The following SRBD1 variants were observed in gnomAD, a reference collection of about 807,000 sequenced individuals.
The protein encoded by SRBD1 is S1 RNA binding domain 1, also known as S1 RNA-binding domain-containing protein 1.
In SRBD1, 88 loss-of-function variants were observed where a neutral mutation model predicts 115.3. The observed-to-expected ratio is 0.76, with a 90% confidence interval of 0.64 to 0.91. The LOEUF (loss-of-function observed/expected upper bound fraction) is 0.91. Among genes scored for constraint, SRBD1 ranks in the 40% least tolerant of loss-of-function variants. The probability of loss-of-function intolerance (pLI) is 0.00; values close to 1 mark genes in which losing one functional copy is unlikely to be tolerated. For synonymous variants in SRBD1, 509 were observed against 407.7 expected, an observed-to-expected ratio of 1.25 and a Z score of -2.99; for missense variants, 1,385 against 1,177.4, an observed-to-expected ratio of 1.18 and a Z score of -2.58.
chr2:45,509,018 CATGCTAGT>C (rs1670881307), intron 14 of SRBD1, among the ~76,000 whole-genome samples: 1 of 152,052 alleles, frequency 6.6e-6, no homozygotes, highest in Non-Finnish European at 1.5e-5. Flanking sequence ...AAAGAGAATA[CATGCTAGT>C]ACACAAATTG....
rs761237069 is a variant in SRBD1, at chr2:45,584,397, T to C, written c.815+1211A>G. 3.9e-5 allele frequency among the ~76,000 whole-genome samples: 6 copies of C among 152,222 alleles called. No individual in the cohort carries two copies. In the East Asian group the frequency reaches 7.7e-4, roughly 20 times the overall value. The stretch of plus-strand genomic sequence containing the variant: ...TGATTTAGTCATTTATATTTTTACA[T>C]TGGCAAATTGATTCTGCCTCTCAAT... On this transcript the variant is annotated intron_variant, in intron 5 of 20. Coordinates refer to ENST00000263736, the MANE Select transcript of SRBD1 (RefSeq NM_018079.5).
At chr2:45,553,769 A>G (rs769652678) in intron 10 of SRBD1, 39 bp from the exon 11 acceptor site, 3 of 1,381,872 alleles carry the variant, frequency 2.2e-6, no homozygotes, top group Non-Finnish European at 2.9e-6. Context: ...CTGATGCAAC[A>G]ATAAATAAGG....
chr2:45,406,839 T>C (rs926816458), intron 19 of SRBD1, among the ~76,000 whole-genome samples: 1 of 152,166 alleles, frequency 6.6e-6, no homozygotes, highest in Admixed American at 6.5e-5. Flanking sequence ...CACGTGATGA[T>C]AGAGTAACAC....
chr2:45,423,583 C>T (rs1329146989), intron 16 of SRBD1, among the ~76,000 whole-genome samples: 3 of 152,166 alleles, frequency 2.0e-5, no homozygotes, highest in South Asian at 4.1e-4. Context: ...AAAAAAAGTT[C>T]AGAACCATAC....
Position 45,562,730 on chromosome 2 carries a change from AT to A in SRBD1, c.1331del (p.Asn444IlefsTer2). On this transcript the variant is annotated frameshift_variant, in exon 10 of 21. Transcript: ENST00000263736. LOFTEE classifies it high-confidence loss of function. ...TGACCTTAACCGTCAGTACCTTCAA[AT>A]TTTCTCCACGGTTAATTGCCAGAAT... ...HQILAINRGE[N>X]LKVLTVKVNI... The A allele has an allele frequency of 6.2e-7, 1 of 1,609,796 alleles. No individual in the cohort carries two copies. Among genetic ancestry groups the A allele is most frequent in the Non-Finnish European group, 8.5e-7 (1 of 1,178,890 alleles).
In SRBD1 at chr2:45,601,854, C is replaced by G. The variant is rs773588990; in HGVS notation, c.261+49G>C. ...CTGTAGAATAAGAAAATAACATCAC[C>G]AATCAGGAAGACACTACAGAGTTCC... On this transcript the variant is annotated intron_variant, in intron 3 of 20. Transcript: ENST00000263736. The G allele has an allele frequency of 6.9e-6, 11 of 1,586,902 alleles. No individual in the cohort carries two copies. The South Asian group carries it at 1.3e-4, about 18-fold the overall frequency.
chr2:45,515,190 C>T (rs938566566), intron 14 of SRBD1, among the ~76,000 whole-genome samples: 2 of 152,098 alleles, frequency 1.3e-5, no homozygotes, highest in Non-Finnish European at 2.9e-5. Context: ...TTATTATTAG[C>T]TACTGAGTGT....
At chr2:45,489,290 C>T (rs1670220918) in intron 14 of SRBD1, among the ~76,000 whole-genome samples, 1 of 152,160 alleles carries the variant, frequency 6.6e-6, no homozygotes, top group Non-Finnish European at 1.5e-5. Flanking sequence ...TCTTAGCAAC[C>T]TCTCCCTTTC....
At chr2:45,467,943 AATT>A (rs1321994959) in intron 16 of SRBD1, among the ~76,000 whole-genome samples, 2 of 152,160 alleles carry the variant, frequency 1.3e-5, no homozygotes, top group African/African-American at 4.8e-5. Flanking sequence ...CTTGTTAAAA[AATT>A]ATGAAATATT....
intron 14 of SRBD1, among the ~76,000 whole-genome samples, chr2:45,517,797 C>G (rs1055107094): frequency 6.6e-5 from 10 of 152,086 alleles, no homozygotes; most frequent in Non-Finnish European, 7.3e-5. Context: ...AGGTGTCAGA[C>G]CAGCCTGGGC....
intron 17 of SRBD1, among the ~76,000 whole-genome samples, chr2:45,418,783 C>CT (rs1667912680): frequency 6.6e-6 from 1 of 151,882 alleles, no homozygotes; most frequent in South Asian, 2.1e-4. Context: ...CATAAAGATG[C>CT]TGGTAAGAAG....
chr2:45,473,972 T>G (rs903817066), intron 16 of SRBD1, among the ~76,000 whole-genome samples: 2 of 152,166 alleles, frequency 1.3e-5, no homozygotes, highest in African/African-American at 4.8e-5. Context: ...GCTTTCCACC[T>G]TTTTCAGTTC....
chr2:45,507,699 A>G (rs569075521), intron 14 of SRBD1, among the ~76,000 whole-genome samples: 6 of 152,040 alleles, frequency 3.9e-5, no homozygotes, highest in Non-Finnish European at 8.8e-5. Context: ...GAACCTGGGC[A>G]ACAAGAACAA....
At chr2:45,480,961 A>C (rs1669945221) in intron 15 of SRBD1, among the ~76,000 whole-genome samples, 1 of 152,184 alleles carries the variant, frequency 6.6e-6, no homozygotes, top group Admixed American at 6.5e-5. Flanking sequence ...AGACTACTTC[A>C]TTGTTGTCTT....
intron 1 of SRBD1, among the ~76,000 whole-genome samples, chr2:45,609,077 G>A (rs552927512): frequency 6.6e-5 from 10 of 152,264 alleles, no homozygotes; most frequent in Admixed American, 5.2e-4. Flanking sequence ...AAAGTGCTGG[G>A]ATTACAAGTG....
intron 14 of SRBD1, among the ~76,000 whole-genome samples, chr2:45,502,185 G>A (rs756190668): frequency 6.6e-6 from 1 of 152,208 alleles, no homozygotes; most frequent in African/African-American, 2.4e-5. Context: ...ACAGGGTCTG[G>A]AGTGGACCTC....
chr2:45,531,768 G>A (rs368681740), intron 14 of SRBD1, among the ~76,000 whole-genome samples: 12 of 151,684 alleles, frequency 7.9e-5, no homozygotes, highest in East Asian at 1.9e-4. Flanking sequence ...TAAATATTCC[G>A]TAATACATAT....
intron 9 of SRBD1, among the ~76,000 whole-genome samples, chr2:45,568,850 T>A (rs1448569470): frequency 6.6e-6 from 1 of 152,264 alleles, no homozygotes; most frequent in African/African-American, 2.4e-5. Context: ...TATTAAAAAT[T>A]ACTTTTCATT....
chr2:45,395,333 G>A (rs1667113778), intron 19 of SRBD1, among the ~76,000 whole-genome samples: 2 of 152,198 alleles, frequency 1.3e-5, no homozygotes, highest in Admixed American at 1.3e-4. Context: ...AGCACTGTAT[G>A]AGTCTATCTT....
Sources: gnomAD v4.1 joint callset for allele counts (sites outside exome capture counted in the v4.1 genomes callset) on GRCh38, gnomAD v4.1.1 for gene constraint, MANE v1.5 for transcripts, NCBI Gene and HGNC (gene_info 2026-07-23, HGNC 2026-07-21) for gene names.